Variants in FSTL4 observed in about 807,000 individuals in gnomAD.
FSTL4 encodes the protein follistatin like 4.
FSTL4 carries 28 observed loss-of-function variants against 78.2 expected under a neutral mutation model. The observed-to-expected ratio is 0.36, with a 90% confidence interval of 0.27 to 0.49. The LOEUF (loss-of-function observed/expected upper bound fraction) is 0.49, where lower values mean the gene tolerates loss of function less well. Ranked by LOEUF, FSTL4 falls within the 20% of genes least tolerant of loss-of-function variation. The pLI is 0.98. For synonymous variants in FSTL4, 422 were observed against 440.5 expected (o/e 0.96, Z 0.53); for missense variants, 922 against 1,084.9 (o/e 0.85, Z 2.11).
chr5:133,427,577 C>A, intron 3 of FSTL4: 1 of 476,996 alleles, frequency 2.1e-6, no homozygotes, highest in Non-Finnish European at 4.5e-6. Context: ...CACGCAATGG[C>A]GGGGGGAAGG....
At chr5:133,343,687 A>C (rs1754637115) in intron 4 of FSTL4, among the ~76,000 whole-genome samples, 2 of 152,206 alleles carry the variant, frequency 1.3e-5, no homozygotes, top group Non-Finnish European at 2.9e-5. Context: ...CATTTTATCA[A>C]GGGTGCAGTT....
At chr5:133,838,470 C>G in the FSTL4 span, among the ~76,000 whole-genome samples, 201 of 152,250 alleles carry the variant, frequency 1.3e-3, 3 homozygotes, top group African/African-American at 4.5e-3. Flanking sequence ...CTGAGCTGGA[C>G]GATTCTGGTT....
chr5:133,818,322 C>T, the FSTL4 span, among the ~76,000 whole-genome samples: 1 of 152,164 alleles, frequency 6.6e-6, no homozygotes, highest in Admixed American at 6.5e-5. Flanking sequence ...GAGAAGCAGC[C>T]CCATCACAGA....
At chr5:133,560,970 T>A (rs1759899114) in intron 3 of FSTL4, among the ~76,000 whole-genome samples, 1 of 151,288 alleles carries the variant, frequency 6.6e-6, no homozygotes, top group South Asian at 2.1e-4. Context: ...GCACATGTAG[T>A]CCCAGCTACT....
chr5:133,839,432 C>A, the FSTL4 span, among the ~76,000 whole-genome samples: 1 of 152,246 alleles, frequency 6.6e-6, no homozygotes, highest in South Asian at 2.1e-4. Context: ...CTTCCAGATT[C>A]ATAATGCATA....
At chr5:133,365,776 T>TC (rs1029395367) in intron 4 of FSTL4, among the ~76,000 whole-genome samples, 149 of 152,262 alleles carry the variant, frequency 9.8e-4, no homozygotes, top group Non-Finnish European at 1.6e-3. Flanking sequence ...ACAAAGTATC[T>TC]TCAACATGTG....
At chr5:133,445,726 C>G (rs769075948) in intron 3 of FSTL4, among the ~76,000 whole-genome samples, 2 of 152,152 alleles carry the variant, frequency 1.3e-5, no homozygotes, top group Non-Finnish European at 2.9e-5. Context: ...CAGGCCCTCC[C>G]GGGTCCCCAG....
intron 4 of FSTL4, among the ~76,000 whole-genome samples, chr5:133,391,220 C>T (rs574049417): frequency 2.0e-4 from 30 of 152,300 alleles, no homozygotes; most frequent in East Asian, 5.8e-4. Context: ...TGTCATTTAG[C>T]GGCTGCTACA....
chr5:133,815,634 C>G, the FSTL4 span, among the ~76,000 whole-genome samples: 2 of 152,216 alleles, frequency 1.3e-5, no homozygotes, highest in Admixed American at 6.5e-5. Flanking sequence ...TACACATCCC[C>G]AGGCCCTTCC....
the FSTL4 span, among the ~76,000 whole-genome samples, chr5:133,691,962 T>C: frequency 1.3e-5 from 2 of 152,136 alleles, no homozygotes; most frequent in East Asian, 1.9e-4. Context: ...CACTACACTA[T>C]AGATAAAACA....
the FSTL4 span, among the ~76,000 whole-genome samples, chr5:133,824,878 C>A: frequency 6.6e-6 from 1 of 152,116 alleles, no homozygotes; most frequent in Non-Finnish European, 1.5e-5. Context: ...GGACTCCCAC[C>A]AAGACACCCA....
chr5:133,567,040 A>G, intron 3 of FSTL4, 146 bp downstream of exon 3: 1 of 674,236 alleles, frequency 1.5e-6, no homozygotes, highest in Non-Finnish European at 2.7e-6. Context: ...CCTACAGACA[A>G]GTGCTAAGCA....
At chr5:133,554,648 C>T (rs186262084) in intron 3 of FSTL4, among the ~76,000 whole-genome samples, 6 of 152,332 alleles carry the variant, frequency 3.9e-5, no homozygotes, top group Admixed American at 1.3e-4. Flanking sequence ...GCTTTTCAAC[C>T]TTGTCTTCTT....
At chr5:133,380,153 C>T (rs34881334) in intron 4 of FSTL4, among the ~76,000 whole-genome samples, 20,408 of 151,432 alleles carry the variant, frequency 0.13, 1,443 homozygotes, top group Non-Finnish European at 0.15. Flanking sequence ...GCAAACTAAA[C>T]CCAAAACAAG....
chr5:133,630,425 C>A, the FSTL4 span, among the ~76,000 whole-genome samples: 1 of 152,102 alleles, frequency 6.6e-6, no homozygotes, highest in Non-Finnish European at 1.5e-5. Context: ...ACCTAGGAAT[C>A]CAACTTACAA....
chr5:133,728,948 G>A, the FSTL4 span, among the ~76,000 whole-genome samples: 3 of 152,060 alleles, frequency 2.0e-5, no homozygotes, highest in East Asian at 1.9e-4. Flanking sequence ...GGAATAAATC[G>A]GCCCAAGAAC....
intron 7 of FSTL4, among the ~76,000 whole-genome samples, chr5:133,242,096 T>C (rs1010865447): frequency 2.0e-5 from 3 of 152,208 alleles, no homozygotes; most frequent in Non-Finnish European, 4.4e-5. Flanking sequence ...CGAGAACTTA[T>C]CTTACACGTC....
intron 3 of FSTL4, among the ~76,000 whole-genome samples, chr5:133,492,959 A>G (rs1478632345): frequency 6.7e-6 from 1 of 149,468 alleles, no homozygotes; most frequent in Non-Finnish European, 1.5e-5. Flanking sequence ...CTGTTCAACA[A>G]TTCTCTCTTC....
chr5:133,646,797 G>A, the FSTL4 span, among the ~76,000 whole-genome samples: 1 of 152,042 alleles, frequency 6.6e-6, no homozygotes, highest in Non-Finnish European at 1.5e-5. Context: ...AAGATAAGAA[G>A]GGGTGAGGAA....
Sources: allele counts gnomAD v4.1 joint callset (sites outside exome capture counted in the v4.1 genomes callset), GRCh38; gene constraint gnomAD v4.1.1; transcripts MANE v1.5; gene names NCBI Gene and HGNC (gene_info 2026-07-23, HGNC 2026-07-21).